The following GCLC variants were observed in gnomAD, a reference collection of about 807,000 sequenced individuals.
GCLC encodes the protein glutamate-cysteine ligase catalytic subunit.
Under a neutral mutation model 81.5 loss-of-function variants are expected in GCLC, and 30 were observed. The ratio of observed to expected loss-of-function variants is 0.37; its 90% CI spans 0.28 to 0.50. GCLC has a LOEUF of 0.50. GCLC is among the 20% of genes least tolerant of loss of function. The pLI, the probability that GCLC is intolerant of heterozygous loss-of-function variation, is 0.96. For missense variants in GCLC, 556 were observed against 777.4 expected (o/e 0.72, Z 3.39); for synonymous variants, 262 against 273.3 (o/e 0.96, Z 0.41).
chr6:53,540,955 C>T (rs2127631758), intron 1 of GCLC, among the ~76,000 whole-genome samples: 1 of 152,326 alleles, frequency 6.6e-6, no homozygotes, highest in South Asian at 2.1e-4. Context: ...TGGCTCATGC[C>T]TGTAATCCCA....
intron 1 of GCLC, among the ~76,000 whole-genome samples, chr6:53,535,343 C>T (rs569047078): frequency 1.2e-4 from 19 of 152,284 alleles, no homozygotes; most frequent in African/African-American, 4.6e-4. Flanking sequence ...GGCGAAACCT[C>T]ACCTCTACTA....
rs774861081 is a variant in GCLC at position 53,514,219 on chromosome 6, G to A, written c.738C>T (p.Gly246=). The A allele has an allele frequency of 1.9e-6, 3 of 1,613,746 alleles. No individual in the cohort carries two copies. The highest frequency in any genetic ancestry group is 2.5e-6 in the Non-Finnish European group (3 of 1,179,788). ...IYMDAMGFGM[G]NCCLQVTFQA... ...GAAACTATACCTGGAGACAGCAATT[G>A]CCCATTCCAAATCCCATGGCATCCA... Residue 246 remains glycine, a synonymous_variant, in exon 6 of 16, where the codon GGC becomes GGT. Coordinates refer to ENST00000650454, the MANE Select transcript of GCLC (RefSeq NM_001498.4).
At chr6:53,534,718 T>C (rs72943672) in intron 1 of GCLC, among the ~76,000 whole-genome samples, 12,814 of 151,800 alleles carry the variant, frequency 0.084, 717 homozygotes, top group Non-Finnish European at 0.12. Flanking sequence ...CCATTTACAA[T>C]AGAACTGAAA....
At chr6:53,524,246 T>C (rs1336254204) in intron 1 of GCLC, among the ~76,000 whole-genome samples, 1 of 152,202 alleles carries the variant, frequency 6.6e-6, no homozygotes, top group African/African-American at 2.4e-5. Flanking sequence ...GGTAAGCTAC[T>C]CAAGGCCACA....
At chr6:53,505,584 T>G (rs966383674) in intron 11 of GCLC, 88 bp from the exon 12 acceptor site, 7 of 797,818 alleles carry the variant, frequency 8.8e-6, no homozygotes, top group Non-Finnish European at 1.5e-5. Flanking sequence ...ATCATGTCAT[T>G]CCCAAGCCAT....
At chr6:53,518,700 A>G (rs1762932011) in intron 3 of GCLC, among the ~76,000 whole-genome samples, 1 of 152,210 alleles carries the variant, frequency 6.6e-6, no homozygotes, top group Non-Finnish European at 1.5e-5. Context: ...TTAATATATA[A>G]AACAGTTCTG....
At position 53,508,634 on chromosome 6, in the gene GCLC, T is replaced by A. The variant is rs373937226; in HGVS notation, c.906A>T (p.Ala302=). The A allele has an allele frequency of 6.2e-7, 1 of 1,613,188 alleles. No homozygotes were observed. Among genetic ancestry groups the A allele is most frequent in the Admixed American group, 1.7e-5 (1 of 60,018 alleles). Residue 302 remains alanine (A), a synonymous_variant, in exon 8 of 16, where the codon GCA becomes GCT. Transcript: ENST00000650454. ...CCTCCCGAGTTCTATCATCTACAGA[T>A]GCAGAAATCACTCCCCAGCGACAAT... ...DIDCRWGVIS[A]SVDDRTREER...
Position 53,526,621 on chromosome 6 carries a change from G to A in GCLC, c.151-4094C>T, listed in dbSNP as rs143796938. Among the ~76,000 whole-genome samples, 698 of 151,790 alleles carry A rather than the reference G, an allele frequency of 4.6e-3. 5 individuals are homozygous for A. Among genetic ancestry groups the A allele is most frequent in the African/African-American group, 0.016 (677 of 41,430 alleles). ...AGACCATCCTGGCTAACACGGTGAAGCCCCATCTCTACTAAAAATACAAAA... is the reference window on the plus strand; with the variant it reads ...AGACCATCCTGGCTAACACGGTGAAACCCCATCTCTACTAAAAATACAAAA... On this transcript the variant is annotated intron_variant, in intron 1 of 15. Coordinates refer to ENST00000650454, the MANE Select transcript of GCLC (RefSeq NM_001498.4).
chr6:53,525,195 G>C (rs1305241074), intron 1 of GCLC, among the ~76,000 whole-genome samples: 3 of 152,152 alleles, frequency 2.0e-5, no homozygotes, highest in East Asian at 3.8e-4. Flanking sequence ...CAGTCACCTT[G>C]AACTTTCTGC....
At chr6:53,543,878 C>T (rs3799700) in intron 1 of GCLC, among the ~76,000 whole-genome samples, 31,381 of 152,104 alleles carry the variant, frequency 0.21, 3,701 homozygotes, top group Admixed American at 0.34. Flanking sequence ...TAAATGCATT[C>T]CCACTTAGAA....
chr6:53,539,410 G>C (rs1763314450), intron 1 of GCLC, among the ~76,000 whole-genome samples: 1 of 152,070 alleles, frequency 6.6e-6, no homozygotes, highest in African/African-American at 2.4e-5. Flanking sequence ...GAAAATACCT[G>C]AGTTCCAAAA....
chr6:53,508,614 C>G lies in GCLC; in HGVS notation c.926G>C (p.Arg309Pro). Residue 309 changes from arginine (R) to proline (P), a missense_variant, in exon 8 of 16, where the codon CGG (arginine) becomes CCG (proline). This residue lies in a region of GCLC where 313 missense variants were observed against 437.3 expected (regional missense o/e 0.72). Transcript: ENST00000650454. ...TCCCACCTCCAGTCCTCGCTCCTCC[C>G]GAGTTCTATCATCTACAGATGCAGA... ...VISASVDDRT[R>P]EERGLEPLKN... The G allele has an allele frequency of 6.2e-7, 1 of 1,608,342 alleles. No homozygotes were observed. The highest frequency in any genetic ancestry group is 8.5e-7 in the Non-Finnish European group (1 of 1,174,742).
Position 53,507,578 on chromosome 6 carries a change from T to C in GCLC, c.986A>G (p.Tyr329Cys). 1 of 1,573,240 alleles carries C rather than the reference T, an allele frequency of 6.4e-7. No homozygotes were observed. Residue 329 changes from tyrosine (Y) to cysteine (C), a missense_variant, in exon 9 of 16, where the codon TAT (tyrosine) becomes TGT (cysteine). By Grantham distance (194) the Tyr-to-Cys change is radical. This residue lies in a region of GCLC where 313 missense variants were observed against 437.3 expected (regional missense o/e 0.72). Coordinates refer to ENST00000650454, the MANE Select transcript of GCLC (RefSeq NM_001498.4). ...AGATAAATAGCTGTCTATTGAGTCATATCGGGATTTACTGATCCTATAGTT... is the reference window on the plus strand; with the variant it reads ...AGATAAATAGCTGTCTATTGAGTCACATCGGGATTTACTGATCCTATAGTT... Reference protein sequence around the residue: ...NNNYRISKSRYDSIDSYLSKC... With the variant: ...NNNYRISKSRCDSIDSYLSKC...
At chr6:53,534,074 C>T (rs935629909) in intron 1 of GCLC, among the ~76,000 whole-genome samples, 7 of 152,216 alleles carry the variant, frequency 4.6e-5, no homozygotes, top group East Asian at 3.9e-4. Context: ...GGATTACAGG[C>T]GTGAACCATC....
In GCLC at chr6:53,514,344, T is replaced by A; in HGVS notation, c.620-7A>T. 6.3e-7 allele frequency: 1 copy of A among 1,589,714 alleles called. No individual in the cohort carries two copies. Among genetic ancestry groups the A allele is most frequent in the Non-Finnish European group, 8.6e-7 (1 of 1,157,880 alleles). On this transcript the variant is annotated splice_polypyrimidine_tract_variant and splice_region_variant and intron_variant, in intron 5 of 15. Coordinates refer to ENST00000650454, the MANE Select transcript of GCLC (RefSeq NM_001498.4). ...GTATTCTTGTCCTTAAATACTGTAT[T>A]ATAAAAATACAAAAATAAAAATGGT...
Position 53,499,033 on chromosome 6 carries a change from AT to A in GCLC, c.1703-67del, listed in dbSNP as rs1381727484. 4 of 957,450 alleles carry A rather than the reference AT, an allele frequency of 4.2e-6. No individual in the cohort carries two copies. The African/African-American group carries it at 4.8e-5, about 12-fold the overall frequency. The allele number at this position is 957,450 out of a possible 1,614,324, so 59.3% of individuals were successfully genotyped here. A position where few individuals can be genotyped will look rare whatever the true frequency, so the allele number is the denominator to read the frequency against. ...TAAGTTTTTTTTTTAATAAGTTGAT[AT>A]TTAGTGGTCAGCATAAACACAATTC... is the stretch of plus-strand genomic sequence containing the variant. On this transcript the variant is annotated intron_variant, in intron 15 of 15. Coordinates refer to ENST00000650454, the MANE Select transcript of GCLC (RefSeq NM_001498.4).
intron 2 of GCLC, 36 bp downstream of exon 2, chr6:53,522,379 G>T: frequency 8.4e-7 from 1 of 1,196,702 alleles, no homozygotes; most frequent in Non-Finnish European, 1.3e-6. Context: ...AGTTTTAGCA[G>T]TTTCAGAAAC....
At chr6:53,533,824 C>T (rs1382681721) in intron 1 of GCLC, among the ~76,000 whole-genome samples, 4 of 142,364 alleles carry the variant, frequency 2.8e-5, no homozygotes, top group East Asian at 4.1e-4. Flanking sequence ...GACGGAGTTT[C>T]ACTCTTGTCG....
At chr6:53,531,131 T>C (rs1053073006) in intron 1 of GCLC, among the ~76,000 whole-genome samples, 3 of 152,200 alleles carry the variant, frequency 2.0e-5, no homozygotes, top group Non-Finnish European at 4.4e-5. Context: ...AAGTACACTG[T>C]ACCACTCAGG....
Sources: allele counts gnomAD v4.1 joint callset (sites outside exome capture counted in the v4.1 genomes callset), GRCh38; gene constraint gnomAD v4.1.1; regional missense constraint gnomAD v4.1.1; transcripts MANE v1.5; gene names NCBI Gene and HGNC (gene_info 2026-07-23, HGNC 2026-07-21).